The following DPP10 variants were observed in gnomAD, a reference collection of about 807,000 sequenced individuals.
DPP10 encodes dipeptidyl peptidase like 10.
In DPP10, 33 loss-of-function variants were observed where a neutral mutation model predicts 120.9. The observed-to-expected ratio is 0.27, with a 90% CI of 0.21 to 0.37. DPP10 has a LOEUF of 0.37. DPP10 is among the 10% of genes least tolerant of loss of function. The pLI is 1.00. For missense variants in DPP10, 816 were observed against 942.8 expected, an observed-to-expected ratio of 0.87 and a Z score of 1.76; for synonymous variants, 337 against 326.1, an observed-to-expected ratio of 1.03 and a Z score of -0.36.
intron 21 of DPP10, among the ~76,000 whole-genome samples, chr2:115,820,240 A>T (rs1351301317): frequency 6.6e-6 from 1 of 152,180 alleles, no homozygotes; most frequent in Non-Finnish European, 1.5e-5. Flanking sequence ...ATTGATCAGG[A>T]TAACAAAAAT....
chr2:114,512,025 G>A (rs995037825), intron 1 of DPP10, among the ~76,000 whole-genome samples: 1 of 152,216 alleles, frequency 6.6e-6, no homozygotes, highest in Admixed American at 6.5e-5. Context: ...GATGCCTGTG[G>A]AGATGAGACT....
chr2:115,074,568 G>C (rs2104459122), intron 1 of DPP10, among the ~76,000 whole-genome samples: 1 of 152,318 alleles, frequency 6.6e-6, no homozygotes, highest in East Asian at 1.9e-4. Flanking sequence ...TTACCTTTCA[G>C]AGGTAGACAG....
At chr2:114,639,740 C>G (rs1255038894) in intron 1 of DPP10, among the ~76,000 whole-genome samples, 1 of 151,892 alleles carries the variant, frequency 6.6e-6, no homozygotes, top group Non-Finnish European at 1.5e-5. Flanking sequence ...TTATTCTGTA[C>G]TAGGATCTTC....
At chr2:114,693,373 A>G (rs1699883191) in intron 1 of DPP10, among the ~76,000 whole-genome samples, 1 of 151,812 alleles carries the variant, frequency 6.6e-6, no homozygotes, top group Non-Finnish European at 1.5e-5. Context: ...CTAGGCTGGA[A>G]ATTATTTTCT....
intron 1 of DPP10, among the ~76,000 whole-genome samples, chr2:114,928,843 G>T (rs536452621): frequency 3.3e-5 from 5 of 152,132 alleles, no homozygotes; most frequent in Non-Finnish European, 5.9e-5. Context: ...TGCTTCCAAG[G>T]CTTCCTGCTT....
At chr2:114,720,256 A>T (rs1356890578) in intron 1 of DPP10, among the ~76,000 whole-genome samples, 1 of 152,188 alleles carries the variant, frequency 6.6e-6, no homozygotes, top group Non-Finnish European at 1.5e-5. Flanking sequence ...CTTTCTGACG[A>T]CTTTCTATTG....
At chr2:115,135,060 T>C (rs371503645) in intron 1 of DPP10, among the ~76,000 whole-genome samples, 22 of 152,066 alleles carry the variant, frequency 1.4e-4, no homozygotes, top group East Asian at 9.7e-4. Context: ...TGGAGAACAC[T>C]GAAGAAGGCT....
At chr2:115,406,640 C>G (rs1477949373) in intron 3 of DPP10, among the ~76,000 whole-genome samples, 1 of 151,646 alleles carries the variant, frequency 6.6e-6, no homozygotes, top group Non-Finnish European at 1.5e-5. Flanking sequence ...GTTAGAGAGG[C>G]TATATTAAAA....
intron 1 of DPP10, among the ~76,000 whole-genome samples, chr2:114,589,045 G>GC (rs1553466506): frequency 6.7e-6 from 1 of 150,282 alleles, no homozygotes; most frequent in Non-Finnish European, 1.5e-5. Flanking sequence ...TTTGGGGGGG[G>GC]GGGTAGGGGA....
chr2:114,904,077 A>G (rs1047344770), intron 1 of DPP10, among the ~76,000 whole-genome samples: 5 of 152,230 alleles, frequency 3.3e-5, no homozygotes, highest in Non-Finnish European at 5.9e-5. Context: ...GTGACTCAGG[A>G]GCTGGGTAAT....
At chr2:114,815,921 A>T (rs1685607130) in intron 1 of DPP10, among the ~76,000 whole-genome samples, 1 of 151,074 alleles carries the variant, frequency 6.6e-6, no homozygotes, top group Non-Finnish European at 1.5e-5. Flanking sequence ...GAGACTAATA[A>T]CTTCATCTAG....
chr2:115,432,726 G>C (rs1315679129), intron 3 of DPP10, among the ~76,000 whole-genome samples: 1 of 147,394 alleles, frequency 6.8e-6, no homozygotes, highest in Non-Finnish European at 1.5e-5. Flanking sequence ...TTATCAATGG[G>C]GCAATGTTCC....
intron 1 of DPP10, among the ~76,000 whole-genome samples, chr2:114,940,686 C>T (rs1696831544): frequency 6.6e-6 from 1 of 151,986 alleles, no homozygotes; most frequent in South Asian, 2.1e-4. Context: ...GAGAATATCA[C>T]TTAGGTGGAA....
At chr2:114,888,418 A>G (rs1692260673) in intron 1 of DPP10, among the ~76,000 whole-genome samples, 1 of 152,202 alleles carries the variant, frequency 6.6e-6, no homozygotes, top group South Asian at 2.1e-4. Context: ...ACACAAAATG[A>G]CAGTTCTCAA....
rs147783932 is a variant in DPP10, at chr2:114,713,247, C to T, written c.60+270409C>T. Among the ~76,000 whole-genome samples the T allele has an allele frequency of 4.2e-3, 635 of 152,216 alleles. 1 individual carries two copies. The highest frequency in any genetic ancestry group is 6.8e-3 in the Middle Eastern group (2 of 292). ...AGGTTATCCAACCCCTTCAGCTTCC[C>T]AAAGTGCTGGGATTACAGGCGTGAG... On this transcript the variant is annotated intron_variant, in intron 1 of 25. Coordinates refer to ENST00000410059, the MANE Select transcript of DPP10 (RefSeq NM_020868.6).
At chr2:115,634,424 CT>C in intron 5 of DPP10, among the ~76,000 whole-genome samples, 1 of 152,016 alleles carries the variant, frequency 6.6e-6, no homozygotes, top group Non-Finnish European at 1.5e-5. Flanking sequence ...GTTATTGTTG[CT>C]TTCTGTTTGT....
intron 1 of DPP10, among the ~76,000 whole-genome samples, chr2:114,650,178 A>G (rs1223013768): frequency 1.3e-5 from 2 of 152,114 alleles, no homozygotes; most frequent in Admixed American, 1.3e-4. Flanking sequence ...GAGTCTTATG[A>G]TCTAACCTTG....
chr2:115,840,267 T>TTGTATTTG (rs938816256), intron 24 of DPP10, among the ~76,000 whole-genome samples: 10 of 150,818 alleles, frequency 6.6e-5, no homozygotes, highest in Admixed American at 6.6e-4. Context: ...AGTTTTACCA[T>TTGTATTTG]TGTATTTGTA....
At chr2:114,645,493 G>A (rs1696050634) in intron 1 of DPP10, among the ~76,000 whole-genome samples, 1 of 152,142 alleles carries the variant, frequency 6.6e-6, no homozygotes, top group African/African-American at 2.4e-5. Context: ...TCTCTTATGA[G>A]GTAAACTGCA....
Sources: gnomAD v4.1 joint callset for allele counts (sites outside exome capture counted in the v4.1 genomes callset) on GRCh38, gnomAD v4.1.1 for gene constraint, MANE v1.5 for transcripts, NCBI Gene and HGNC (gene_info 2026-07-23, HGNC 2026-07-21) for gene names.